The following TRPM1 variants were observed in gnomAD, a reference collection of about 807,000 sequenced individuals.
TRPM1 encodes the protein transient receptor potential cation channel subfamily M member 1, also known as TRPM1-203 APA Isoform, Intron 10.
TRPM1 carries 113 observed loss-of-function variants against 149.4 expected under a neutral mutation model. The ratio of observed to expected loss-of-function variants is 0.76; its 90% confidence interval spans 0.65 to 0.88. The LOEUF (loss-of-function observed/expected upper bound fraction) is 0.88, where lower values mean the gene tolerates loss of function less well. Ranked by LOEUF, TRPM1 falls within the 40% of genes least tolerant of loss-of-function variation. The pLI, the probability that TRPM1 is intolerant of heterozygous loss-of-function variation, is 0.00. For synonymous variants in TRPM1, 741 were observed against 759.5 expected (o/e 0.98, Z 0.40); for missense variants, 1,976 against 2,038.7 (o/e 0.97, Z 0.59).
At chr15:31,122,831 A>C (rs887809383) in intron 1 of TRPM1, among the ~76,000 whole-genome samples, 1 of 152,262 alleles carries the variant, frequency 6.6e-6, no homozygotes, top group African/African-American at 2.4e-5. Context: ...GGATACTGAC[A>C]AACTCATTCA....
intron 1 of TRPM1, among the ~76,000 whole-genome samples, chr15:31,111,021 A>G (rs147258973): frequency 6.6e-6 from 1 of 151,626 alleles, no homozygotes; most frequent in East Asian, 1.9e-4. Flanking sequence ...CCAAGCATTT[A>G]ATGGTTTTTT....
At chr15:31,063,774 G>A (rs2034298678) in intron 7 of TRPM1, among the ~76,000 whole-genome samples, 1 of 152,154 alleles carries the variant, frequency 6.6e-6, no homozygotes, top group Non-Finnish European at 1.5e-5. Flanking sequence ...CTTGCATTCT[G>A]TCACATATTA....
At chr15:31,088,296 T>A (rs1158632135) in intron 1 of TRPM1, among the ~76,000 whole-genome samples, 1 of 152,228 alleles carries the variant, frequency 6.6e-6, no homozygotes, top group Non-Finnish European at 1.5e-5. Context: ...TAAAAGCTGG[T>A]CACCAGCGCC....
At chr15:31,113,428 GAC>G (rs1190244794) in intron 1 of TRPM1, among the ~76,000 whole-genome samples, 4 of 96,130 alleles carry the variant, frequency 4.2e-5, no homozygotes, top group African/African-American at 7.4e-5. Flanking sequence ...ACCCAGCTCT[GAC>G]AGTTTTTTTT....
chr15:31,149,334 G>T (rs1350310134), intron 1 of TRPM1, among the ~76,000 whole-genome samples: 2 of 152,252 alleles, frequency 1.3e-5, no homozygotes, highest in East Asian at 1.9e-4. Flanking sequence ...AGGGGGGCGG[G>T]TGTGTGTGTT....
At chr15:31,150,845 T>A (rs894929521) in intron 1 of TRPM1, among the ~76,000 whole-genome samples, 2 of 152,038 alleles carry the variant, frequency 1.3e-5, no homozygotes, top group African/African-American at 4.8e-5. Context: ...TCTACACAGG[T>A]GACTTGCCCA....
At chr15:31,101,565 C>A (rs1288172706) in intron 1 of TRPM1, 92 bp downstream of exon 1, 9 of 775,724 alleles carry the variant, frequency 1.2e-5, no homozygotes, top group Non-Finnish European at 1.4e-5. Flanking sequence ...TGGTTATCTG[C>A]ACCTGAGTTT....
In TRPM1 at chr15:31,048,819, CA is replaced by C. The variant is rs201562640; in HGVS notation, c.1572+555del. 2.6e-5 allele frequency among the ~76,000 whole-genome samples: 4 copies of C among 151,038 alleles called. No homozygotes were observed. The Middle Eastern group carries it at 0.01, about 388-fold the overall frequency. ...AAGAGAGACTCTGTCTCAGAACAAA[CA>C]AAAAAAAATTCACCAAGTTTTAGCA... On this transcript the variant is annotated intron_variant, in intron 13 of 27. Transcript: ENST00000256552.
In TRPM1 at chr15:31,069,646, C is replaced by T. The variant is rs1596036647; in HGVS notation, c.279+385G>A. On this transcript the variant is annotated intron_variant, in intron 4 of 27. Transcript: ENST00000256552. ...AGGCCCAGGGAAGCTGTGGACAGAC[C>T]TCAGAGGAAAATATTTCCAAAGACT... 3 of 1,368,788 alleles carry T rather than the reference C, an allele frequency of 2.2e-6. No individual in the cohort carries two copies. In the East Asian group the frequency reaches 7.9e-5, roughly 36 times the overall value. The allele number at this position is 1,368,788 out of a possible 1,614,324, so 84.8% of individuals were successfully genotyped here.
In TRPM1 at chr15:31,040,166, G is replaced by A. The variant is rs756489745; in HGVS notation, c.2268C>T (p.Thr756=). 27 of 1,614,050 alleles carry A rather than the reference G, an allele frequency of 1.7e-5. 1 individual carries two copies. Among genetic ancestry groups the A allele is most frequent in the Admixed American group, 3.3e-5 (2 of 59,992 alleles). ...IAHTCSQMLL[T]DMWMGRLRMR... ...TCCGCAGTCTTCCCATCCACATATC[G>A]GTCAGCAGCATCTGGCTGCAGGTGT... Residue 756 remains threonine, a synonymous_variant, in exon 18 of 28, where the codon ACC becomes ACT. Coordinates refer to ENST00000256552, the MANE Select transcript of TRPM1 (RefSeq NM_001252024.2). The surrounding 1 kb of genome is among the most constrained non-coding windows in gnomAD (Gnocchi z 4.2).
At chr15:31,114,981 A>C (rs2035777536) in intron 1 of TRPM1, among the ~76,000 whole-genome samples, 1 of 152,262 alleles carries the variant, frequency 6.6e-6, no homozygotes, top group African/African-American at 2.4e-5. Context: ...GAGGCTGGGC[A>C]TTGTGGCTCA....
At chr15:31,014,346 CT>C (rs2032285346) in intron 27 of TRPM1, among the ~76,000 whole-genome samples, 1 of 152,164 alleles carries the variant, frequency 6.6e-6, no homozygotes, top group South Asian at 2.1e-4. Flanking sequence ...TTCAGCTAGG[CT>C]TTCAAGGAGC....
At chr15:31,034,974 C>CA (rs1008136903) in intron 21 of TRPM1, among the ~76,000 whole-genome samples, 6 of 152,060 alleles carry the variant, frequency 3.9e-5, no homozygotes, top group African/African-American at 1.4e-4. Context: ...GTGATACCTC[C>CA]AAAAAAAGTC....
At chr15:31,066,537 T>C (rs1010324886) in intron 6 of TRPM1, among the ~76,000 whole-genome samples, 3 of 152,224 alleles carry the variant, frequency 2.0e-5, no homozygotes, top group African/African-American at 7.2e-5. Flanking sequence ...GCTACTTTAC[T>C]TGTAACAGCC....
At chr15:31,053,503 T>C (rs2034004431) in intron 11 of TRPM1, among the ~76,000 whole-genome samples, 1 of 151,854 alleles carries the variant, frequency 6.6e-6, no homozygotes, top group Non-Finnish European at 1.5e-5. Context: ...CCTCAGGTGA[T>C]CCACCTGCCT....
chr15:31,081,207 G>T, intron 2 of TRPM1, 146 bp downstream of exon 2: 2 of 717,060 alleles, frequency 2.8e-6, no homozygotes, highest in South Asian at 2.9e-5. Flanking sequence ...AGTGCAACTG[G>T]CGCCATGGCC....
At chr15:31,041,658 C>T (rs1251683838) in intron 17 of TRPM1, among the ~76,000 whole-genome samples, 1 of 152,112 alleles carries the variant, frequency 6.6e-6, no homozygotes, top group Non-Finnish European at 1.5e-5. Flanking sequence ...TGTGTGTTTC[C>T]CTATGGAAAT....
intron 1 of TRPM1, among the ~76,000 whole-genome samples, chr15:31,128,098 C>G (rs565038799): frequency 1.3e-5 from 2 of 152,152 alleles, no homozygotes; most frequent in Non-Finnish European, 2.9e-5. Flanking sequence ...CTCCCCTCCC[C>G]GCTCTGCTGA....
At chr15:31,038,006 A>T in intron 19 of TRPM1, 38 bp downstream of exon 19, 1 of 1,613,938 alleles carries the variant, frequency 6.2e-7, no homozygotes, top group Non-Finnish European at 8.5e-7. Context: ...TGAAAACAAG[A>T]TTACACTGAT....
Sources: gnomAD v4.1 joint callset for allele counts (sites outside exome capture counted in the v4.1 genomes callset) on GRCh38, gnomAD v4.1.1 for gene constraint, Gnocchi (gnomAD v3.1) non-coding constraint, MANE v1.5 for transcripts, NCBI Gene and HGNC (gene_info 2026-07-23, HGNC 2026-07-21) for gene names.